FMN1: variants seen among roughly 807,000 people sequenced by gnomAD.
FMN1 encodes formin 1, also known as formin-1.
In FMN1, 110 loss-of-function variants were observed where a neutral mutation model predicts 132.4. The observed-to-expected ratio is 0.83, with a 90% confidence interval of 0.71 to 0.97. FMN1 has a LOEUF of 0.97. Among genes scored for constraint, FMN1 ranks in the 50% least tolerant of loss-of-function variants. The probability of loss-of-function intolerance (pLI) is 0.00; values close to 1 mark genes in which losing one functional copy is unlikely to be tolerated. For synonymous variants in FMN1, 722 were observed against 651.7 expected, an observed-to-expected ratio of 1.11 and a Z score of -1.64; for missense variants, 1,792 against 1,705.3, an observed-to-expected ratio of 1.05 and a Z score of -0.90.
chr15:33,169,489 T>C (rs547446616), intron 3 of FMN1, among the ~76,000 whole-genome samples: 3 of 152,304 alleles, frequency 2.0e-5, no homozygotes, highest in African/African-American at 7.2e-5. Flanking sequence ...GACAAATGGC[T>C]ACTGTTGAGA....
Position 33,144,707 on chromosome 15 carries a change from C to T in FMN1, c.1867+8341G>A, listed in dbSNP as rs564198673. ...AAACAATAAAATATCGATAAAGATGCTATATAAGTAAGTGCCTTAAAAAAC... is the reference window on the plus strand; with the variant it reads ...AAACAATAAAATATCGATAAAGATGTTATATAAGTAAGTGCCTTAAAAAAC... On this transcript the variant is annotated intron_variant, in intron 4 of 20. Transcript: ENST00000616417. Among the ~76,000 whole-genome samples the T allele has an allele frequency of 2.0e-5, 3 of 150,162 alleles. No homozygotes were observed. In the East Asian group the frequency reaches 5.8e-4, roughly 29 times the overall value.
At chr15:33,162,560 G>C (rs1196506434) in intron 3 of FMN1, among the ~76,000 whole-genome samples, 1 of 152,126 alleles carries the variant, frequency 6.6e-6, no homozygotes, top group African/African-American at 2.4e-5. Flanking sequence ...GAACTTCCAA[G>C]AGGAAGAAAC....
intron 5 of FMN1, among the ~76,000 whole-genome samples, chr15:33,082,909 G>C (rs960393279): frequency 6.6e-6 from 1 of 151,794 alleles, no homozygotes; most frequent in Non-Finnish European, 1.5e-5. Context: ...TTGTAATATA[G>C]GCATGTCCCA....
Position 32,770,297 on chromosome 15 carries a change from T to C in FMN1, c.*4013A>G, listed in dbSNP as rs2056188327. 1 of 152,228 alleles carries C rather than the reference T, an allele frequency of 6.6e-6. No homozygotes were observed. The highest frequency in any genetic ancestry group is 2.1e-4 in the South Asian group (1 of 4,832). The allele number at this position is 152,228 out of a possible 1,614,324, so 9.4% of individuals were successfully genotyped here. On this transcript the variant is annotated 3_prime_UTR_variant, in exon 21 of 21. Coordinates refer to ENST00000616417, the MANE Select transcript of FMN1 (RefSeq NM_001277313.2). ...CAATTTGCTGTGCTGTTGTATGCAA[T>C]GATCTGCATCAATGACACTGGCCAA...
chr15:32,973,228 C>G (rs540782308), intron 7 of FMN1, among the ~76,000 whole-genome samples: 4 of 152,342 alleles, frequency 2.6e-5, no homozygotes, highest in Admixed American at 2.6e-4. Context: ...AACAGCTCTT[C>G]TGATCTGTTT....
chr15:33,012,665 A>T, intron 6 of FMN1: 1 of 853,496 alleles, frequency 1.2e-6, no homozygotes, highest in Non-Finnish European at 2.0e-6. Context: ...CTGTCAAAGC[A>T]AGAGATGGCT....
At chr15:33,136,430 C>A (rs151301933) in intron 4 of FMN1, among the ~76,000 whole-genome samples, 1 of 152,174 alleles carries the variant, frequency 6.6e-6, no homozygotes, top group South Asian at 2.1e-4. Flanking sequence ...CAGAGACAGA[C>A]GTGTTTGGGA....
At chr15:33,138,510 T>C (rs185797438) in intron 4 of FMN1, among the ~76,000 whole-genome samples, 1 of 152,252 alleles carries the variant, frequency 6.6e-6, no homozygotes, top group East Asian at 1.9e-4. Flanking sequence ...CACCTTCCTC[T>C]TGTCTAACCT....
intron 9 of FMN1, among the ~76,000 whole-genome samples, chr15:32,951,292 C>T (rs574074400): frequency 2.6e-5 from 4 of 152,118 alleles, no homozygotes; most frequent in African/African-American, 9.7e-5. Context: ...ACAAATAGAA[C>T]TAGAAAATGG....
chr15:33,093,099 A>G (rs2038959492), intron 4 of FMN1, among the ~76,000 whole-genome samples: 1 of 152,228 alleles, frequency 6.6e-6, no homozygotes, highest in African/African-American at 2.4e-5. Flanking sequence ...AAGGGACAAA[A>G]TTACAGTGCC....
chr15:32,920,942 T>G (rs941133073), intron 10 of FMN1, among the ~76,000 whole-genome samples: 12 of 152,204 alleles, frequency 7.9e-5, no homozygotes, highest in African/African-American at 2.7e-4. Context: ...CCACCTTCAG[T>G]CCTATTTTTC....
intron 10 of FMN1, among the ~76,000 whole-genome samples, chr15:32,918,874 C>G (rs1399883424): frequency 6.6e-6 from 1 of 152,072 alleles, no homozygotes; most frequent in Admixed American, 6.6e-5. Context: ...TGAAGGAATG[C>G]AGAATGGTTT....
In FMN1 at chr15:32,768,928, T is replaced by A. The variant is rs1320162367; in HGVS notation, c.*5382A>T. On this transcript the variant is annotated 3_prime_UTR_variant, in exon 21 of 21. Coordinates refer to ENST00000616417, the MANE Select transcript of FMN1 (RefSeq NM_001277313.2). ...AGAGATGTAATATAAAGTCTGGAGT[T>A]CACATGAGCTCTTGACTGAAGGACA... The A allele has an allele frequency of 1.3e-5, 2 of 152,184 alleles. No individual in the cohort carries two copies. Among genetic ancestry groups the A allele is most frequent in the Non-Finnish European group, 2.9e-5 (2 of 68,028 alleles). The allele number at this position is 152,184 out of a possible 1,614,324, so 9.4% of individuals were successfully genotyped here. A position where few individuals can be genotyped will look rare whatever the true frequency, so the allele number is the denominator to read the frequency against.
chr15:32,799,021 GA>G (rs1412702195), intron 18 of FMN1, 68 bp from the exon 19 acceptor site: 4 of 1,383,336 alleles, frequency 2.9e-6, no homozygotes, highest in African/African-American at 1.5e-5. Flanking sequence ...AAATCCATTA[GA>G]GGGGGGATGC....
chr15:32,899,085 T>C (rs1289486411), intron 14 of FMN1, among the ~76,000 whole-genome samples, 192 bp from the exon 15 acceptor site: 4 of 152,188 alleles, frequency 2.6e-5, no homozygotes, highest in Non-Finnish European at 5.9e-5. Context: ...GAAATGACAC[T>C]GTACTATCCT....
chr15:33,126,477 T>C (rs1200069250), intron 4 of FMN1, among the ~76,000 whole-genome samples: 1 of 152,134 alleles, frequency 6.6e-6, no homozygotes, highest in African/African-American at 2.4e-5. Context: ...TCCAAAATTT[T>C]TTCAAGACAG....
chr15:33,035,012 T>C (rs529523019), intron 6 of FMN1, among the ~76,000 whole-genome samples: 7 of 152,336 alleles, frequency 4.6e-5, no homozygotes, highest in South Asian at 2.1e-4. Flanking sequence ...TTTTGACAGA[T>C]GGCAAAACCT....
At chr15:32,852,291 G>C (rs774805696) in intron 17 of FMN1, among the ~76,000 whole-genome samples, 3 of 152,236 alleles carry the variant, frequency 2.0e-5, no homozygotes, top group Non-Finnish European at 4.4e-5. Context: ...GTTTCATTTT[G>C]TACATCCAAT....
intron 6 of FMN1, among the ~76,000 whole-genome samples, chr15:33,019,661 C>T (rs995374833): frequency 1.5e-4 from 23 of 152,332 alleles, no homozygotes; most frequent in South Asian, 4.1e-4. Flanking sequence ...AAATCGAGCG[C>T]AGCACCAGTG....
Sources: gnomAD v4.1 joint callset for allele counts (sites outside exome capture counted in the v4.1 genomes callset) on GRCh38, gnomAD v4.1.1 for gene constraint, MANE v1.5 for transcripts, NCBI Gene and HGNC (gene_info 2026-07-23, HGNC 2026-07-21) for gene names.